The following SLC13A1 variants were observed in gnomAD, a reference collection of about 807,000 sequenced individuals.
SLC13A1 encodes Na(+)/sulfate cotransporter.
Under a neutral mutation model 70.0 loss-of-function variants are expected in SLC13A1, and 65 were observed. The observed-to-expected ratio is 0.93, with a 90% CI of 0.76 to 1.14. The LOEUF (loss-of-function observed/expected upper bound fraction) is 1.14, where lower values mean the gene tolerates loss of function less well. Among genes scored for constraint, SLC13A1 ranks in the 50% most tolerant of loss-of-function variants. SLC13A1 has a pLI of 0.00. For missense variants in SLC13A1, 726 were observed against 717.8 expected, an observed-to-expected ratio of 1.01 and a Z score of -0.13; for synonymous variants, 275 against 250.5, an observed-to-expected ratio of 1.10 and a Z score of -0.92.
chr7:123,134,330 G>A (rs1257340297), intron 8 of SLC13A1, 80 bp downstream of exon 8: 1 of 1,369,016 alleles, frequency 7.3e-7, no homozygotes, highest in Admixed American at 2.1e-5. Flanking sequence ...TGGCATAGGG[G>A]AAAGAGCATC....
At position 123,114,355 on chromosome 7, in the gene SLC13A1, C is replaced by A. The variant is rs1793113071; in HGVS notation, c.*1163G>T. On this transcript the variant is annotated 3_prime_UTR_variant, in exon 15 of 15. Transcript: ENST00000194130. ...TGTCTACAATGTGTAATTGTCACAT[C>A]AGGGTAATTGGAAACTCATTCTTTT... 1 of 152,012 alleles carries A rather than the reference C, an allele frequency of 6.6e-6. No homozygotes were observed. The highest frequency in any genetic ancestry group is 1.5e-5 in the Non-Finnish European group (1 of 67,992). 9.4% of individuals were successfully genotyped at this position (152,012 alleles called of 1,614,324 possible). A position where few individuals can be genotyped will look rare whatever the true frequency, so the allele number is the denominator to read the frequency against.
chr7:123,146,186 T>G (rs1214402631), intron 7 of SLC13A1, among the ~76,000 whole-genome samples: 1 of 152,188 alleles, frequency 6.6e-6, no homozygotes, highest in African/African-American at 2.4e-5. Context: ...ATTTTACATA[T>G]GAAAAAATTA....
intron 2 of SLC13A1, among the ~76,000 whole-genome samples, chr7:123,176,602 C>A: frequency 6.6e-6 from 1 of 152,144 alleles, no homozygotes; most frequent in Non-Finnish European, 1.5e-5. Context: ...ACCAACCTTG[C>A]AAATTAAATG....
chr7:123,162,688 C>T (rs559904065), intron 6 of SLC13A1, among the ~76,000 whole-genome samples: 6 of 152,058 alleles, frequency 3.9e-5, no homozygotes, highest in Admixed American at 3.3e-4. Flanking sequence ...TTAATATCTC[C>T]TTATTTGGCA....
In SLC13A1 at chr7:123,117,622, T is replaced by G; in HGVS notation, c.1513-14A>C. 6.7e-7 allele frequency: 1 copy of G among 1,491,284 alleles called. No homozygotes were observed. Among genetic ancestry groups the G allele is most frequent in the South Asian group, 1.4e-5 (1 of 70,264 alleles). 92.4% of individuals were successfully genotyped at this position (1,491,284 alleles called of 1,614,324 possible). On this transcript the variant is annotated splice_polypyrimidine_tract_variant and intron_variant, in intron 13 of 14. Transcript: ENST00000194130. ...AATGGCTTCGGCCTGTTGTAAGAGA[T>G]AAAAAAGAGTCTAAGTAAAATTTTG... is the stretch of plus-strand genomic sequence containing the variant.
intron 1 of SLC13A1, among the ~76,000 whole-genome samples, chr7:123,196,120 A>T (rs1439090944): frequency 6.6e-6 from 1 of 152,140 alleles, no homozygotes. Flanking sequence ...GTCAGTATAT[A>T]CTAGGCCAGT....
chr7:123,150,670 A>C (rs2116441549), intron 6 of SLC13A1, among the ~76,000 whole-genome samples: 1 of 152,240 alleles, frequency 6.6e-6, no homozygotes, highest in Middle Eastern at 3.4e-3. Context: ...CTCAGTGCTA[A>C]GTTCAATAGG....
intron 14 of SLC13A1, among the ~76,000 whole-genome samples, 178 bp from the exon 15 acceptor site, chr7:123,115,833 T>C (rs1397266174): frequency 1.3e-5 from 2 of 152,214 alleles, no homozygotes; most frequent in Non-Finnish European, 2.9e-5. Flanking sequence ...GCAGGTTTGT[T>C]ACATATGTAT....
intron 1 of SLC13A1, among the ~76,000 whole-genome samples, chr7:123,185,661 C>A (rs914095505): frequency 6.6e-6 from 1 of 152,048 alleles, no homozygotes. Flanking sequence ...ATGCCACTGC[C>A]ATGCTGTTTT....
chr7:123,183,761 C>T (rs1795710587), intron 1 of SLC13A1, among the ~76,000 whole-genome samples: 1 of 152,170 alleles, frequency 6.6e-6, no homozygotes, highest in Non-Finnish European at 1.5e-5. Context: ...CACTGGGCTA[C>T]ATCCTTTTCC....
At chr7:123,196,803 T>C (rs988984400) in intron 1 of SLC13A1, among the ~76,000 whole-genome samples, 8 of 152,088 alleles carry the variant, frequency 5.3e-5, no homozygotes, top group Admixed American at 5.2e-4. Flanking sequence ...TGTTGACAAA[T>C]GATGAACAAG....
At chr7:123,180,106 C>A (rs1177838435) in intron 2 of SLC13A1, among the ~76,000 whole-genome samples, 4 of 151,874 alleles carry the variant, frequency 2.6e-5, no homozygotes, top group Non-Finnish European at 5.9e-5. Flanking sequence ...AGGGGAAAAC[C>A]CAGTAAGAAA....
At chr7:123,130,552 T>C (rs748752300) in intron 8 of SLC13A1, among the ~76,000 whole-genome samples, 57 of 151,962 alleles carry the variant, frequency 3.8e-4, no homozygotes, top group Non-Finnish European at 5.9e-4. Flanking sequence ...CAACACACAC[T>C]GGGGCCTGTC....
At chr7:123,184,402 C>A (rs1210862809) in intron 1 of SLC13A1, among the ~76,000 whole-genome samples, 1 of 152,040 alleles carries the variant, frequency 6.6e-6, no homozygotes, top group Admixed American at 6.6e-5. Flanking sequence ...ACTAACATCT[C>A]TTTAACCCTG....
At chr7:123,181,259 T>C (rs1040818700) in intron 1 of SLC13A1, 158 bp from the exon 2 acceptor site, 1 of 692,314 alleles carries the variant, frequency 1.4e-6, no homozygotes, top group East Asian at 3.1e-5. Context: ...ACTCATTTCT[T>C]AGAAGTTCTA....
intron 2 of SLC13A1, among the ~76,000 whole-genome samples, chr7:123,177,760 A>G (rs1421639786): frequency 3.3e-5 from 5 of 152,090 alleles, no homozygotes; most frequent in Non-Finnish European, 7.4e-5. Context: ...CTTATTTAAA[A>G]CTACCATTCT....
intron 2 of SLC13A1, among the ~76,000 whole-genome samples, chr7:123,172,834 A>G (rs1795318829): frequency 6.6e-6 from 1 of 152,110 alleles, no homozygotes; most frequent in African/African-American, 2.4e-5. Context: ...GGTTGAGAAA[A>G]CAGAATTTTG....
intron 6 of SLC13A1, chr7:123,149,301 T>C (rs1019401910): frequency 5.5e-6 from 2 of 363,532 alleles, no homozygotes; most frequent in East Asian, 7.3e-5. Context: ...AGCTGAAACT[T>C]GATTAGGTAA....
intron 2 of SLC13A1, among the ~76,000 whole-genome samples, chr7:123,174,395 T>C (rs543130128): frequency 2.8e-4 from 43 of 152,288 alleles, no homozygotes; most frequent in African/African-American, 9.6e-4. Flanking sequence ...TTGTAGTTAA[T>C]GTAAACATCT....
Sources: gnomAD v4.1 joint callset for allele counts (sites outside exome capture counted in the v4.1 genomes callset) on GRCh38, gnomAD v4.1.1 for gene constraint, MANE v1.5 for transcripts, NCBI Gene and HGNC (gene_info 2026-07-23, HGNC 2026-07-21) for gene names.